The following CDH13 variants were observed in gnomAD, a reference collection of about 807,000 sequenced individuals.
CDH13 encodes cadherin-13.
Under a neutral mutation model 63.8 loss-of-function variants are expected in CDH13, and 24 were observed. The observed-to-expected ratio is 0.38, with a 90% confidence interval of 0.27 to 0.53. The LOEUF (loss-of-function observed/expected upper bound fraction) is 0.53. Among genes scored for constraint, CDH13 ranks in the 20% least tolerant of loss-of-function variants. The probability of loss-of-function intolerance (pLI) is 0.85; values close to 1 mark genes in which losing one functional copy is unlikely to be tolerated. For synonymous variants in CDH13, 503 were observed against 355.3 expected (o/e 1.42, Z -4.67); for missense variants, 1,049 against 903.1 (o/e 1.16, Z -2.07).
intron 1 of CDH13, among the ~76,000 whole-genome samples, chr16:82,760,274 A>G (rs908727713): frequency 2.6e-5 from 4 of 152,174 alleles, no homozygotes; most frequent in African/African-American, 4.8e-5. Context: ...CAAAAATGCA[A>G]TTAGCCTGTT....
intron 10 of CDH13, among the ~76,000 whole-genome samples, chr16:83,679,132 C>T (rs1915198619): frequency 6.6e-6 from 1 of 152,112 alleles, no homozygotes; most frequent in African/African-American, 2.4e-5. Flanking sequence ...TTTCTGTCTT[C>T]ATTTCTTAAG....
intron 3 of CDH13, among the ~76,000 whole-genome samples, chr16:83,083,523 T>A (rs1033602848): frequency 9.9e-5 from 15 of 152,186 alleles, no homozygotes; most frequent in African/African-American, 3.6e-4. Flanking sequence ...ATGCCCAGTA[T>A]CACAGAGCTA....
intron 1 of CDH13, among the ~76,000 whole-genome samples, chr16:82,716,978 A>G (rs756542616): frequency 9.2e-5 from 14 of 152,054 alleles, no homozygotes; most frequent in Non-Finnish European, 1.5e-4. Context: ...TCCTTCGTCC[A>G]GACAGGAAGA....
chr16:83,020,311 A>C (rs1426892267), intron 2 of CDH13, among the ~76,000 whole-genome samples: 3 of 152,058 alleles, frequency 2.0e-5, no homozygotes, highest in Non-Finnish European at 2.9e-5. Flanking sequence ...TGAATTCACA[A>C]ATTCTTCTTC....
Position 83,634,762 on chromosome 16 carries a change from C to T in CDH13, c.1101+32168C>T, listed in dbSNP as rs117528640. On this transcript the variant is annotated intron_variant, in intron 8 of 13. Transcript: ENST00000567109. The stretch of plus-strand genomic sequence containing the variant: ...GATTCATCCAAGTACTCACATCAGC[C>T]GATAGCTGGTTCCTTTTGATTGCTG... Among the ~76,000 whole-genome samples the T allele has an allele frequency of 2.2e-3, 333 of 152,216 alleles. 3 individuals carry two copies. The highest frequency in any genetic ancestry group is 9.7e-4 in the East Asian group (5 of 5,176).
intron 4 of CDH13, among the ~76,000 whole-genome samples, chr16:83,190,372 T>C (rs1367775070): frequency 1.3e-5 from 2 of 152,168 alleles, no homozygotes. Context: ...CTACTGTCCT[T>C]CACCATAGTT....
At chr16:83,760,595 C>T (rs1913884223) in intron 11 of CDH13, among the ~76,000 whole-genome samples, 2 of 152,228 alleles carry the variant, frequency 1.3e-5, no homozygotes, top group South Asian at 4.1e-4. Context: ...CAAGAACACA[C>T]ATGCTAAATG....
chr16:82,937,298 T>C (rs1172136965), intron 2 of CDH13, among the ~76,000 whole-genome samples: 2 of 152,128 alleles, frequency 1.3e-5, no homozygotes, highest in East Asian at 3.8e-4. Context: ...TTTCCTTACT[T>C]CCCTTTGTTG....
intron 2 of CDH13, among the ~76,000 whole-genome samples, chr16:82,871,568 G>C (rs1197210333): frequency 2.0e-5 from 3 of 152,206 alleles, no homozygotes; most frequent in Non-Finnish European, 4.4e-5. Context: ...TGACTTGCAT[G>C]ACAGTTTTCC....
At chr16:82,735,967 C>A (rs1157111067) in intron 1 of CDH13, among the ~76,000 whole-genome samples, 3 of 152,196 alleles carry the variant, frequency 2.0e-5, no homozygotes, top group Non-Finnish European at 2.9e-5. Context: ...AGAGGTTTCT[C>A]TGCTCATTTG....
At chr16:82,999,046 G>C (rs555861347) in intron 2 of CDH13, among the ~76,000 whole-genome samples, 19 of 152,148 alleles carry the variant, frequency 1.2e-4, no homozygotes, top group African/African-American at 4.3e-4. Flanking sequence ...ATTCTTCCAC[G>C]TTCCATCAGC....
intron 2 of CDH13, among the ~76,000 whole-genome samples, chr16:82,968,143 C>CT (rs1908138279): frequency 1.3e-5 from 2 of 152,126 alleles, no homozygotes; most frequent in African/African-American, 2.4e-5. Context: ...TTTATGGGTT[C>CT]TTTTTTTATT....
chr16:82,660,922 A>C (rs539247671), intron 1 of CDH13, among the ~76,000 whole-genome samples: 53 of 151,348 alleles, frequency 3.5e-4, no homozygotes, highest in African/African-American at 1.3e-3. Context: ...AACATTCATT[A>C]AGTTTCTTTT....
At chr16:82,737,779 C>T (rs1419319679) in intron 1 of CDH13, among the ~76,000 whole-genome samples, 3 of 152,120 alleles carry the variant, frequency 2.0e-5, no homozygotes, top group African/African-American at 2.4e-5. Flanking sequence ...CACTGCATTT[C>T]TTTTTTGTAA....
intron 2 of CDH13, among the ~76,000 whole-genome samples, chr16:82,923,150 A>G (rs1025102243): frequency 2.6e-5 from 4 of 152,232 alleles, no homozygotes; most frequent in African/African-American, 9.6e-5. Context: ...ACGAAGCTGC[A>G]ATTTGTAAAA....
At chr16:83,689,886 CAATT>C in intron 10 of CDH13, among the ~76,000 whole-genome samples, 1 of 152,290 alleles carries the variant, frequency 6.6e-6, no homozygotes, top group African/African-American at 2.4e-5. Flanking sequence ...GCCCCAGAAA[CAATT>C]AAAAATATCT....
At chr16:83,055,719 A>G (rs2030858182) in intron 3 of CDH13, among the ~76,000 whole-genome samples, 1 of 152,116 alleles carries the variant, frequency 6.6e-6, no homozygotes, top group South Asian at 2.1e-4. Flanking sequence ...TAAAATAGAA[A>G]AAAAATGAAA....
rs1909780210 is a variant in CDH13, at chr16:82,644,173, A to G, written c.45+17036A>G. On this transcript the variant is annotated intron_variant, in intron 1 of 13. Transcript: ENST00000567109. This position sits in a 1 kb window ranked among gnomAD's most constrained non-coding sequence, Gnocchi z 5.7. ...AAGGATTTAGGATTTACCCAAATTA[A>G]CATGAATGTTTGGCACCCTTTGGCT... 6.6e-6 allele frequency among the ~76,000 whole-genome samples: 1 copy of G among 152,190 alleles called. No homozygotes were observed. The highest frequency in any genetic ancestry group is 2.4e-5 in the African/African-American group (1 of 41,444).
intron 1 of CDH13, among the ~76,000 whole-genome samples, chr16:82,805,134 G>A (rs993388065): frequency 3.3e-5 from 5 of 152,276 alleles, no homozygotes; most frequent in Middle Eastern, 3.4e-3. Context: ...GTGTTTCTAG[G>A]AGATCCTCTA....
Sources: gnomAD v4.1 joint callset for allele counts (sites outside exome capture counted in the v4.1 genomes callset) on GRCh38, gnomAD v4.1.1 for gene constraint, Gnocchi (gnomAD v3.1) non-coding constraint, MANE v1.5 for transcripts, NCBI Gene and HGNC (gene_info 2026-07-23, HGNC 2026-07-21) for gene names.